Variants in PYGL observed in about 807,000 individuals in gnomAD.
The protein encoded by PYGL is glycogen phosphorylase, liver form.
A neutral mutation model predicts 100.1 loss-of-function variants in PYGL; 90 were observed. The observed-to-expected ratio is 0.90, with a 90% CI of 0.76 to 1.07. The LOEUF is 1.07. Among genes scored for constraint, PYGL ranks in the 50% least tolerant of loss-of-function variants. PYGL has a pLI of 0.00. For synonymous variants in PYGL, 373 were observed against 393.0 expected (o/e 0.95, Z 0.60); for missense variants, 1,016 against 1,057.6 (o/e 0.96, Z 0.55).
intron 1 of PYGL, among the ~76,000 whole-genome samples, chr14:50,939,599 A>G (rs2050686991): frequency 1.3e-5 from 2 of 151,944 alleles, no homozygotes; most frequent in Admixed American, 1.3e-4. Context: ...AAAAAGCACC[A>G]GTGAGTAACT....
chr14:50,942,768 C>T (rs1271409700), intron 1 of PYGL, among the ~76,000 whole-genome samples: 2 of 97,694 alleles, frequency 2.0e-5, no homozygotes, highest in Non-Finnish European at 4.8e-5. Flanking sequence ...ATGCAGTGAG[C>T]CAAGATGGCG....
At chr14:50,925,843 G>A (rs1286908078) in intron 4 of PYGL, among the ~76,000 whole-genome samples, 1 of 152,164 alleles carries the variant, frequency 6.6e-6, no homozygotes, top group Non-Finnish European at 1.5e-5. Flanking sequence ...TCAGATGCAA[G>A]ATGAACCCTA....
At chr14:50,919,678 TG>T (rs1390018987) in intron 7 of PYGL, among the ~76,000 whole-genome samples, 1 of 151,986 alleles carries the variant, frequency 6.6e-6, no homozygotes, top group Non-Finnish European at 1.5e-5. Context: ...TGTGTGTGTG[TG>T]TGTGTGTGTG....
At chr14:50,920,861 G>C (rs1468035829) in intron 6 of PYGL, 95 bp downstream of exon 6, 3 of 1,302,854 alleles carry the variant, frequency 2.3e-6, no homozygotes, top group Non-Finnish European at 3.3e-6. Context: ...GAAACTCAAG[G>C]CTTTTTTGTT....
At chr14:50,929,445 T>G (rs2050583933) in intron 4 of PYGL, among the ~76,000 whole-genome samples, 1 of 152,092 alleles carries the variant, frequency 6.6e-6, no homozygotes, top group Non-Finnish European at 1.5e-5. Flanking sequence ...CTTGGTCTGA[T>G]AGGAGAGAAA....
At chr14:50,939,092 GTGC>G (rs1406460823) in intron 1 of PYGL, among the ~76,000 whole-genome samples, 1 of 152,188 alleles carries the variant, frequency 6.6e-6, no homozygotes, top group East Asian at 1.9e-4. Flanking sequence ...CCAGGCTGGA[GTGC>G]AGTGGCGCAA....
intron 13 of PYGL, among the ~76,000 whole-genome samples, chr14:50,912,732 T>C (rs1379103990): frequency 6.6e-6 from 1 of 152,058 alleles, no homozygotes; most frequent in East Asian, 1.9e-4. Flanking sequence ...GGCGGGTGGA[T>C]CACTTGAGGT....
intron 4 of PYGL, among the ~76,000 whole-genome samples, chr14:50,929,365 T>C (rs1385000581): frequency 2.0e-5 from 3 of 152,198 alleles, no homozygotes; most frequent in Non-Finnish European, 4.4e-5. Flanking sequence ...CTTTGCAATA[T>C]TTTGAATGAG....
At chr14:50,906,552 G>A (rs955386626) in intron 19 of PYGL, among the ~76,000 whole-genome samples, 10 of 152,168 alleles carry the variant, frequency 6.6e-5, no homozygotes, top group African/African-American at 2.2e-4. Context: ...AAGAAAGACC[G>A]AATCAAATGC....
intron 16 of PYGL, among the ~76,000 whole-genome samples, chr14:50,911,085 G>T (rs1180101500): frequency 6.6e-6 from 1 of 152,234 alleles, no homozygotes; most frequent in Non-Finnish European, 1.5e-5. Flanking sequence ...TACCTTTTCA[G>T]TTTGGGAAGT....
rs541861692 is a variant in PYGL, at chr14:50,917,204, A to G, written c.856-99T>C. 7.5e-6 allele frequency: 10 copies of G among 1,331,018 alleles called. No homozygotes were observed. The African/African-American group carries it at 1.3e-4, about 17-fold the overall frequency. 82.5% of individuals were successfully genotyped at this position (1,331,018 alleles called of 1,614,324 possible). ...ACTAGGAACTTTAAGACTAAGGCCC[A>G]TTGGACATCTGCTGAGGGGTGGTGG... On this transcript the variant is annotated intron_variant, in intron 7 of 19. Transcript: ENST00000216392.
At chr14:50,926,398 G>A (rs1335256145) in intron 4 of PYGL, among the ~76,000 whole-genome samples, 1 of 151,818 alleles carries the variant, frequency 6.6e-6, no homozygotes, top group Non-Finnish European at 1.5e-5. Context: ...TAAAGAAACA[G>A]TTGAAGTTTG....
At chr14:50,938,507 C>T (rs556152658) in intron 1 of PYGL, among the ~76,000 whole-genome samples, 1 of 152,300 alleles carries the variant, frequency 6.6e-6, no homozygotes, top group African/African-American at 2.4e-5. Context: ...CCACTGCGCC[C>T]GGCCCCTTTA....
intron 4 of PYGL, among the ~76,000 whole-genome samples, chr14:50,926,998 A>G (rs1444371664): frequency 2.6e-5 from 4 of 152,102 alleles, no homozygotes; most frequent in Non-Finnish European, 4.4e-5. Flanking sequence ...AAGGTATTGT[A>G]TGAAATAGGA....
intron 13 of PYGL, 42 bp downstream of exon 13, chr14:50,912,987 A>T: frequency 6.4e-7 from 1 of 1,557,908 alleles, no homozygotes; most frequent in Non-Finnish European, 8.9e-7. Flanking sequence ...ATAAACTCTC[A>T]CAGTGAGTGC....
chr14:50,910,537 C>A lies in PYGL; in HGVS notation c.1970-435G>T, dbSNP rs562277829. 2.6e-4 allele frequency among the ~76,000 whole-genome samples: 40 copies of A among 152,214 alleles called. No homozygotes were observed. In the Middle Eastern group the frequency reaches 0.01, roughly 39 times the overall value. Reference sequence around the variant, plus strand: ...GTGGTGCGATTACAGCTCTCTGCAGCCTTGACCTCCTAGGCTCAAGCAATC... The same window carrying A: ...GTGGTGCGATTACAGCTCTCTGCAGACTTGACCTCCTAGGCTCAAGCAATC... On this transcript the variant is annotated intron_variant, in intron 16 of 19. Coordinates refer to ENST00000216392, the MANE Select transcript of PYGL (RefSeq NM_002863.5).
intron 16 of PYGL, 37 bp downstream of exon 16, chr14:50,911,693 G>T (rs904691064): frequency 1.9e-6 from 3 of 1,611,252 alleles, no homozygotes; most frequent in African/African-American, 1.3e-5. Context: ...TCTAGAGTTT[G>T]CCCTGGCCCC....
chr14:50,939,312 C>T (rs2050684257), intron 1 of PYGL, among the ~76,000 whole-genome samples: 1 of 152,232 alleles, frequency 6.6e-6, no homozygotes, highest in South Asian at 2.1e-4. Flanking sequence ...GCTGGGATTA[C>T]AGGCGTGAGC....
At chr14:50,937,594 C>T (rs2050664691) in intron 2 of PYGL, 142 bp downstream of exon 2, 1 of 766,900 alleles carries the variant, frequency 1.3e-6, no homozygotes. Flanking sequence ...ATGTATATTT[C>T]TAAAAGTTTG....
Sources: allele counts gnomAD v4.1 joint callset (sites outside exome capture counted in the v4.1 genomes callset), GRCh38; gene constraint gnomAD v4.1.1; transcripts MANE v1.5; gene names NCBI Gene and HGNC (gene_info 2026-07-23, HGNC 2026-07-21).